Variants in ANO2 observed in about 807,000 individuals in gnomAD.
The protein encoded by ANO2 is anoctamin 2, also known as anoctamin-2.
ANO2 carries 101 observed loss-of-function variants against 124.2 expected under a neutral mutation model. The observed-to-expected ratio is 0.81, with a 90% CI of 0.69 to 0.96. The LOEUF (loss-of-function observed/expected upper bound fraction) is 0.96. Ranked by LOEUF, ANO2 falls within the 40% of genes least tolerant of loss-of-function variation. The pLI is 0.00. For synonymous variants in ANO2, 486 were observed against 482.5 expected (o/e 1.01, Z -0.09); for missense variants, 1,293 against 1,274.5 (o/e 1.01, Z -0.22).
At chr12:5,616,243 T>G (rs1035882167) in intron 16 of ANO2, among the ~76,000 whole-genome samples, 1 of 152,204 alleles carries the variant, frequency 6.6e-6, no homozygotes, top group African/African-American at 2.4e-5. Context: ...TCTGGAGGTT[T>G]GCAAGTCTGA....
At position 5,830,505 on chromosome 12, in the gene ANO2, G is replaced by A. The variant is rs376782173; in HGVS notation, c.786-16C>T. 1.4e-5 allele frequency: 23 copies of A among 1,607,728 alleles called. No homozygotes were observed. Among genetic ancestry groups the A allele is most frequent in the South Asian group, 4.5e-5 (4 of 89,290 alleles). On this transcript the variant is annotated splice_polypyrimidine_tract_variant and intron_variant, in intron 5 of 24. Transcript: ENST00000682330. The stretch of plus-strand genomic sequence containing the variant: ...GATGTTGTACCTGGAGACACCAAGA[G>A]AGCAGATGGCAAATTCATTTCATTA...
Position 5,727,491 on chromosome 12 carries a change from TAGAG to T in ANO2, c.1545+5025_1545+5028del, listed in dbSNP as rs978137001. Among the ~76,000 whole-genome samples, 5 of 143,024 alleles carry T rather than the reference TAGAG, an allele frequency of 3.5e-5. No homozygotes were observed. The Admixed American group carries it at 3.5e-4, about 10-fold the overall frequency. 93.8% of individuals were successfully genotyped at this position (143,024 alleles called of 152,430 possible). On this transcript the variant is annotated intron_variant, in intron 14 of 24. Coordinates refer to ENST00000682330, the MANE Select transcript of ANO2 (RefSeq NM_001364791.2). Reference sequence around the variant, plus strand: ...AGAATGGCCTTAGAGGGAAACCTTATAGAGAGAGTTTTAAACAAACCAAAAAAAA... The same window carrying T: ...AGAATGGCCTTAGAGGGAAACCTTATAGAGTTTTAAACAAACCAAAAAAAA...
At chr12:5,946,209 CCA>C, upstream of ANO2, 1 of 1,609,662 alleles carries the variant, frequency 6.2e-7, no homozygotes, top group Non-Finnish European at 8.5e-7. This position sits in a 1 kb window ranked among gnomAD's most constrained non-coding sequence, Gnocchi z 4.1. Flanking sequence ...ATGATAGATC[CCA>C]CTTTATAGAG....
chr12:5,567,100 G>A (rs1177902791), intron 23 of ANO2, among the ~76,000 whole-genome samples: 5 of 152,192 alleles, frequency 3.3e-5, no homozygotes, highest in African/African-American at 9.7e-5. Context: ...CAACTGAGAG[G>A]TGGACACTGG....
chr12:5,937,144 T>C lies in ANO2; in HGVS notation c.22+8052A>G, dbSNP rs572504449. Among the ~76,000 whole-genome samples, 68 of 152,296 alleles carry C rather than the reference T, an allele frequency of 4.5e-4. 1 individual carries two copies. The highest frequency in any genetic ancestry group is 1.6e-3 in the African/African-American group (68 of 41,552). On this transcript the variant is annotated intron_variant, in intron 1 of 24. Coordinates refer to ENST00000682330, the MANE Select transcript of ANO2 (RefSeq NM_001364791.2). ...TTTCTTTAGCAACTTCAAACTGTTT[T>C]CCACAATGACTGCATGAAACTGCAT...
intron 3 of ANO2, among the ~76,000 whole-genome samples, chr12:5,886,232 G>T (rs59382088): frequency 2.1e-5 from 3 of 143,804 alleles, no homozygotes; most frequent in African/African-American, 3.0e-5. Context: ...GGAAGCAAGC[G>T]TCTGTAAATG....
chr12:5,897,032 A>C (rs1481026182), intron 3 of ANO2, among the ~76,000 whole-genome samples: 2 of 152,250 alleles, frequency 1.3e-5, no homozygotes. Context: ...TCACTCCTTA[A>C]GATTTTTAGG....
At chr12:5,751,066 G>C in intron 10 of ANO2, 96 bp from the exon 11 acceptor site, 1 of 1,225,798 alleles carries the variant, frequency 8.2e-7, no homozygotes, top group South Asian at 1.7e-5. Flanking sequence ...GGTCAACATA[G>C]ATATTCATTC....
intron 3 of ANO2, among the ~76,000 whole-genome samples, chr12:5,911,735 C>T (rs1941062778): frequency 6.6e-6 from 1 of 152,218 alleles, no homozygotes; most frequent in Non-Finnish European, 1.5e-5. Context: ...TCTGCATAGA[C>T]TCTATAATGT....
Position 5,578,409 on chromosome 12 carries a change from A to G in ANO2, c.2343T>C (p.Val781=). The G allele has an allele frequency of 6.2e-7, 1 of 1,614,000 alleles. No individual in the cohort carries two copies. The highest frequency in any genetic ancestry group is 1.3e-5 in the African/African-American group (1 of 75,062). ...IEVRLDAKKF[V]TELRRPDAVR... is the part of the protein sequence containing the mutation. ...CAGCATCCGGCCGTCTCAGCTCTGTAACAAACTTCTTTGCATCGAGCCGCA... is the reference window on the plus strand; with the variant it reads ...CAGCATCCGGCCGTCTCAGCTCTGTGACAAACTTCTTTGCATCGAGCCGCA... The change falls in exon 21 of 25, where the codon GTT becomes GTC. Residue 781 remains valine (V), a synonymous_variant. Transcript: ENST00000682330.
intron 14 of ANO2, among the ~76,000 whole-genome samples, chr12:5,722,158 C>T (rs1047868114): frequency 1.2e-4 from 19 of 152,238 alleles, no homozygotes; most frequent in Middle Eastern, 3.4e-3. Context: ...TTGTGCAGTT[C>T]TCACTGGCTG....
chr12:5,944,878 G>C (rs903177874), intron 1 of ANO2, among the ~76,000 whole-genome samples: 18 of 152,046 alleles, frequency 1.2e-4, no homozygotes, highest in Non-Finnish European at 2.2e-4. Flanking sequence ...GTAACAAGGA[G>C]AGGCAACATC....
chr12:5,707,432 AG>A (rs1317146809), intron 14 of ANO2, among the ~76,000 whole-genome samples: 4 of 152,206 alleles, frequency 2.6e-5, no homozygotes, highest in Non-Finnish European at 5.9e-5. Flanking sequence ...TAATTCCTTT[AG>A]GTCTATATCA....
chr12:5,834,992 T>C (rs1954273810), intron 4 of ANO2, among the ~76,000 whole-genome samples: 1 of 152,188 alleles, frequency 6.6e-6, no homozygotes, highest in East Asian at 1.9e-4. Flanking sequence ...AATGGATGCG[T>C]AGTATTACAC....
intron 24 of ANO2, chr12:5,564,458 C>T (rs1169518084): frequency 6.6e-6 from 1 of 152,666 alleles, no homozygotes; most frequent in Non-Finnish European, 1.5e-5. Flanking sequence ...TTGTGATACA[C>T]TTCCCTGGCT....
At chr12:5,758,743 T>G (rs1951654084) in intron 10 of ANO2, among the ~76,000 whole-genome samples, 1 of 152,214 alleles carries the variant, frequency 6.6e-6, no homozygotes, top group Non-Finnish European at 1.5e-5. Context: ...TCCTCACTAC[T>G]GACCTGATGG....
chr12:5,806,561 C>T (rs929753403), intron 8 of ANO2, among the ~76,000 whole-genome samples: 2 of 152,214 alleles, frequency 1.3e-5, no homozygotes, highest in Admixed American at 1.3e-4. Context: ...AATGGCACTA[C>T]CGCATGGCAC....
intron 1 of ANO2, among the ~76,000 whole-genome samples, chr12:5,943,268 AGTGTGTGTTTGTGTGTGTGTGTGTGTGT>A (rs1942963661): frequency 8.9e-6 from 1 of 112,792 alleles, no homozygotes; most frequent in African/African-American, 3.3e-5. Flanking sequence ...TCTGTGTTTG[AGTGTGTGTTTGTGTGTGTGTGTGTGTGT>A]GTGTGTGTGT....
At chr12:5,934,133 A>T (rs868093180) in intron 1 of ANO2, among the ~76,000 whole-genome samples, 1 of 152,180 alleles carries the variant, frequency 6.6e-6, no homozygotes, top group South Asian at 2.1e-4. Context: ...TAAACACTTT[A>T]CATGTATCAA....
Sources: gnomAD v4.1 joint callset for allele counts (sites outside exome capture counted in the v4.1 genomes callset) on GRCh38, gnomAD v4.1.1 for gene constraint, Gnocchi (gnomAD v3.1) non-coding constraint, MANE v1.5 for transcripts, NCBI Gene and HGNC (gene_info 2026-07-23, HGNC 2026-07-21) for gene names.